Variants in PLPPR1 observed in about 807,000 individuals in gnomAD.
PLPPR1 encodes phospholipid phosphatase related 1, also known as phospholipid phosphatase-related protein type 1.
In PLPPR1, 10 loss-of-function variants were observed where a neutral mutation model predicts 33.1. The observed-to-expected ratio is 0.30, with a 90% confidence interval of 0.19 to 0.51. PLPPR1 has a LOEUF of 0.51. Among genes scored for constraint, PLPPR1 ranks in the 20% least tolerant of loss-of-function variants. The pLI, the probability that PLPPR1 is intolerant of heterozygous loss-of-function variation, is 0.97. For synonymous variants in PLPPR1, 151 were observed against 151.0 expected (o/e 1.00, Z 0.00); for missense variants, 304 against 408.1 (o/e 0.74, Z 2.20).
intron 2 of PLPPR1, among the ~76,000 whole-genome samples, chr9:101,249,069 G>A (rs1369004817): frequency 3.9e-5 from 6 of 152,040 alleles, no homozygotes; most frequent in Non-Finnish European, 7.4e-5. Flanking sequence ...CAAATTCCAC[G>A]CCAAACTTCA....
intron 2 of PLPPR1, among the ~76,000 whole-genome samples, chr9:101,231,419 C>T (rs1470289233): frequency 6.6e-6 from 1 of 150,916 alleles, no homozygotes; most frequent in Non-Finnish European, 1.5e-5. Context: ...AAGCCATATA[C>T]ATCAAGCAGA....
At chr9:101,279,532 T>C (rs186556132) in intron 3 of PLPPR1, among the ~76,000 whole-genome samples, 2 of 152,326 alleles carry the variant, frequency 1.3e-5, no homozygotes, top group Non-Finnish European at 2.9e-5. Flanking sequence ...CACATTCTCC[T>C]CCTCAGCACA....
chr9:101,080,602 C>T (rs545207926), intron 1 of PLPPR1, among the ~76,000 whole-genome samples: 1 of 152,168 alleles, frequency 6.6e-6, no homozygotes, highest in Non-Finnish European at 1.5e-5. Flanking sequence ...AACAAAAATA[C>T]TGATATCAAT....
intron 2 of PLPPR1, among the ~76,000 whole-genome samples, chr9:101,251,167 T>C (rs1827706495): frequency 6.6e-6 from 1 of 152,032 alleles, no homozygotes; most frequent in African/African-American, 2.4e-5. Context: ...CCCAAATTTG[T>C]TCCTTTTACA....
At chr9:101,184,963 G>C (rs1826179457) in intron 1 of PLPPR1, 1 of 152,096 alleles carries the variant, frequency 6.6e-6, no homozygotes, top group Non-Finnish European at 1.5e-5. Context: ...AATGGTCAAG[G>C]AAGGAAGTCA....
At position 101,134,032 on chromosome 9, in the gene PLPPR1, C is replaced by G. The variant is rs187994501; in HGVS notation, c.-45-51418C>G. ...ATAGAACTGGCTCATGGAAAGCATT[C>G]AAATATTTGAATTACTAATATTCAA... On this transcript the variant is annotated intron_variant, in intron 1 of 7. Transcript: ENST00000374874. Among the ~76,000 whole-genome samples the G allele has an allele frequency of 4.6e-5, 7 of 152,284 alleles. No individual in the cohort carries two copies. In the East Asian group the frequency reaches 9.7e-4, roughly 21 times the overall value.
intron 6 of PLPPR1, among the ~76,000 whole-genome samples, chr9:101,314,481 A>T (rs1176952383): frequency 2.0e-5 from 3 of 152,186 alleles, no homozygotes; most frequent in Admixed American, 6.5e-5. Flanking sequence ...TTGGTTCCAG[A>T]CCATTGCAAC....
chr9:101,167,663 ACTTTGGTCC>A (rs1005325766), intron 1 of PLPPR1, among the ~76,000 whole-genome samples: 10 of 152,208 alleles, frequency 6.6e-5, no homozygotes, highest in Middle Eastern at 3.4e-3. Context: ...CTGAAAGGGC[ACTTTGGTCC>A]CTCTGACTTT....
At chr9:101,291,121 G>A (rs989710039) in intron 4 of PLPPR1, among the ~76,000 whole-genome samples, 26 of 152,296 alleles carry the variant, frequency 1.7e-4, no homozygotes, top group African/African-American at 3.4e-4. Context: ...AAAAAACAGC[G>A]CACCAGGAGA....
intron 1 of PLPPR1, among the ~76,000 whole-genome samples, chr9:101,099,855 T>G (rs1483991479): frequency 1.3e-5 from 2 of 152,134 alleles, no homozygotes; most frequent in African/African-American, 4.8e-5. Flanking sequence ...TTCTTTCTCC[T>G]CTTCTCCCCT....
intron 7 of PLPPR1, among the ~76,000 whole-genome samples, chr9:101,323,241 TCCCAGCACTTCGGAAGGCCAAGG>T (rs1829189051): frequency 6.6e-6 from 1 of 152,150 alleles, no homozygotes; most frequent in Non-Finnish European, 1.5e-5. Context: ...GTGCCTGTAA[TCCCAGCACTTCGGAAGGCCAAGG>T]TGGGAGGGTC....
chr9:101,200,063 C>T (rs1372916006), intron 2 of PLPPR1, among the ~76,000 whole-genome samples: 2 of 152,138 alleles, frequency 1.3e-5, no homozygotes, highest in African/African-American at 2.4e-5. Flanking sequence ...ATTCTCTGTC[C>T]TCTGCCTGAG....
chr9:101,154,460 T>G (rs963597559), intron 1 of PLPPR1, among the ~76,000 whole-genome samples: 1 of 152,190 alleles, frequency 6.6e-6, no homozygotes, highest in Admixed American at 6.5e-5. Flanking sequence ...GTCGAGGAAT[T>G]TATCCATTTC....
intron 1 of PLPPR1, among the ~76,000 whole-genome samples, chr9:101,106,551 A>T (rs1830973901): frequency 1.1e-5 from 1 of 91,574 alleles, no homozygotes; most frequent in Non-Finnish European, 2.1e-5. Flanking sequence ...TTTGAGGGTA[A>T]CCCGACCTTT....
Position 101,260,520 on chromosome 9 carries a change from A to G in PLPPR1, c.64-9360A>G, listed in dbSNP as rs569786435. ...CTGACCAGGTATGGCGTGAAGAGAAAGCTAGGGGAAGGAGGAGTCTAAGAT... is the reference window on the plus strand; with the variant it reads ...CTGACCAGGTATGGCGTGAAGAGAAGGCTAGGGGAAGGAGGAGTCTAAGAT... On this transcript the variant is annotated intron_variant, in intron 2 of 7. Coordinates refer to ENST00000374874, the MANE Select transcript of PLPPR1 (RefSeq NM_207299.2). Among the ~76,000 whole-genome samples, 5 of 152,322 alleles carry G rather than the reference A, an allele frequency of 3.3e-5. No homozygotes were observed. In the East Asian group the frequency reaches 9.7e-4, roughly 29 times the overall value.
chr9:101,041,207 T>C (rs1259635473), intron 1 of PLPPR1, among the ~76,000 whole-genome samples: 1 of 152,208 alleles, frequency 6.6e-6, no homozygotes, highest in African/African-American at 2.4e-5. Flanking sequence ...TCTATTTCAC[T>C]GTGGGACCTT....
chr9:101,292,585 C>T (rs193123851), intron 4 of PLPPR1, among the ~76,000 whole-genome samples: 7,154 of 131,826 alleles, frequency 0.054, 526 homozygotes, highest in African/African-American at 0.18. Flanking sequence ...AGACTAACAG[C>T]GGATCTCTTG....
intron 2 of PLPPR1, among the ~76,000 whole-genome samples, chr9:101,268,471 C>A (rs887770024): frequency 6.6e-6 from 1 of 152,062 alleles, no homozygotes; most frequent in Non-Finnish European, 1.5e-5. Flanking sequence ...CCAAAAATTG[C>A]CTCTCTGTGC....
In PLPPR1 at chr9:101,117,704, G is replaced by T. The variant is rs146465823; in HGVS notation, c.-45-67746G>T. 2.9e-3 allele frequency among the ~76,000 whole-genome samples: 435 copies of T among 147,486 alleles called. 1 individual carries two copies. The highest frequency in any genetic ancestry group is 4.9e-3 in the Non-Finnish European group (328 of 66,720). On this transcript the variant is annotated intron_variant, in intron 1 of 7. Coordinates refer to ENST00000374874, the MANE Select transcript of PLPPR1 (RefSeq NM_207299.2). The stretch of plus-strand genomic sequence containing the variant: ...AGGCTCTGAAATCACACATGTGAAA[G>T]AAAACCTTAGGCAAATAGTTTAATT...
Sources: allele counts gnomAD v4.1 joint callset (sites outside exome capture counted in the v4.1 genomes callset), GRCh38; gene constraint gnomAD v4.1.1; transcripts MANE v1.5; gene names NCBI Gene and HGNC (gene_info 2026-07-23, HGNC 2026-07-21).